SLC25A36: variants seen among roughly 807,000 people sequenced by gnomAD.
SLC25A36 encodes epididymis secretory sperm binding protein.
SLC25A36 carries 24 observed loss-of-function variants against 35.3 expected under a neutral mutation model. The observed-to-expected ratio is 0.68, with a 90% confidence interval of 0.49 to 0.96. SLC25A36 has a LOEUF of 0.96. Among genes scored for constraint, SLC25A36 ranks in the 40% least tolerant of loss-of-function variants. SLC25A36 has a pLI of 0.00. For synonymous variants in SLC25A36, 141 were observed against 132.2 expected, an observed-to-expected ratio of 1.07 and a Z score of -0.46; for missense variants, 294 against 381.1, an observed-to-expected ratio of 0.77 and a Z score of 1.90.
intron 1 of SLC25A36, among the ~76,000 whole-genome samples, chr3:140,945,253 A>G (rs1160045088): frequency 6.6e-6 from 1 of 152,136 alleles, no homozygotes; most frequent in Non-Finnish European, 1.5e-5. Context: ...CAATCTCATG[A>G]CCTAATCACC....
chr3:140,952,628 C>T (rs1934358520), intron 1 of SLC25A36, among the ~76,000 whole-genome samples: 1 of 152,122 alleles, frequency 6.6e-6, no homozygotes, highest in African/African-American at 2.4e-5. Context: ...TTTTTATGTG[C>T]CACTTTACAA....
chr3:140,955,924 C>G (rs1934467959), intron 1 of SLC25A36, among the ~76,000 whole-genome samples: 2 of 152,118 alleles, frequency 1.3e-5, no homozygotes, highest in South Asian at 4.1e-4. Flanking sequence ...TCAAACTGGC[C>G]TCAAACCATC....
At chr3:140,945,935 T>A (rs1306478240) in intron 1 of SLC25A36, among the ~76,000 whole-genome samples, 1 of 152,228 alleles carries the variant, frequency 6.6e-6, no homozygotes, top group Non-Finnish European at 1.5e-5. Context: ...AGCTTCTTTT[T>A]TTCATGGAGT....
intron 1 of SLC25A36, among the ~76,000 whole-genome samples, chr3:140,952,162 A>G (rs958204953): frequency 3.3e-5 from 5 of 151,912 alleles, no homozygotes; most frequent in African/African-American, 4.8e-5. Flanking sequence ...GATTACAGGC[A>G]TGCACCACCA....
chr3:140,968,615 T>A (rs1934823610), intron 4 of SLC25A36: 1 of 949,004 alleles, frequency 1.1e-6, no homozygotes, highest in Non-Finnish European at 1.3e-6. Flanking sequence ...AAAGGTTTTG[T>A]TCCTAACAAC....
chr3:140,943,708 A>C (rs1368061718), intron 1 of SLC25A36, among the ~76,000 whole-genome samples: 1 of 152,200 alleles, frequency 6.6e-6, no homozygotes, highest in Non-Finnish European at 1.5e-5. Flanking sequence ...GTATTATATG[A>C]TCTCTAAAGC....
chr3:140,953,708 G>A (rs967443512), intron 1 of SLC25A36, among the ~76,000 whole-genome samples: 6 of 152,232 alleles, frequency 3.9e-5, no homozygotes, highest in East Asian at 1.9e-4. Context: ...TATAATCCCC[G>A]TACTTTGGAA....
At position 140,956,705 on chromosome 3, in the gene SLC25A36, A is replaced by G. The variant is rs1934489619; in HGVS notation, c.206+14A>G. 2 of 1,570,068 alleles carry G rather than the reference A, an allele frequency of 1.3e-6. No homozygotes were observed. The highest frequency in any genetic ancestry group is 2.7e-5 in the African/African-American group (2 of 73,052). On this transcript the variant is annotated intron_variant, in intron 2 of 6. Coordinates refer to ENST00000324194, the MANE Select transcript of SLC25A36 (RefSeq NM_001104647.3). ...TCATTGCCTAAAGTGAGAGCATAGTATTCAGGAGTGTTTTTTAGTTTGTTT... is the reference window on the plus strand; with the variant it reads ...TCATTGCCTAAAGTGAGAGCATAGTGTTCAGGAGTGTTTTTTAGTTTGTTT...
intron 6 of SLC25A36, among the ~76,000 whole-genome samples, chr3:140,975,588 G>A (rs1935022237): frequency 6.6e-6 from 1 of 152,200 alleles, no homozygotes; most frequent in African/African-American, 2.4e-5. Context: ...GAAGCTGTGA[G>A]TTCTTGTCCC....
intron 4 of SLC25A36, 65 bp downstream of exon 4, chr3:140,963,292 A>G: frequency 2.0e-6 from 2 of 1,014,746 alleles, no homozygotes; most frequent in East Asian, 2.8e-5. Flanking sequence ...ATATTGAATT[A>G]TAAGTTTGTA....
At chr3:140,975,094 A>ATTATT (rs1272903563) in intron 6 of SLC25A36, among the ~76,000 whole-genome samples, 1 of 24,266 alleles carries the variant, frequency 4.1e-5, no homozygotes, top group Non-Finnish European at 1.3e-4. Flanking sequence ...AACAAGATAC[A>ATTATT]TTCTTTTTTT....
At chr3:140,958,650 A>G (rs939810344) in intron 2 of SLC25A36, among the ~76,000 whole-genome samples, 8 of 152,160 alleles carry the variant, frequency 5.3e-5, no homozygotes, top group African/African-American at 1.4e-4. Context: ...CAGCATTTCA[A>G]TGGAATGGGG....
chr3:140,952,088 C>T (rs113855375), intron 1 of SLC25A36, among the ~76,000 whole-genome samples: 21 of 151,486 alleles, frequency 1.4e-4, no homozygotes, highest in African/African-American at 4.6e-4. Flanking sequence ...ACAATCTCGG[C>T]TCACTGCAAC....
intron 5 of SLC25A36, among the ~76,000 whole-genome samples, chr3:140,971,260 A>G (rs1224476329): frequency 6.6e-6 from 1 of 152,176 alleles, no homozygotes; most frequent in East Asian, 1.9e-4. Context: ...CAGAAAGGAA[A>G]GAAAGAGATA....
intron 2 of SLC25A36, among the ~76,000 whole-genome samples, chr3:140,959,005 TGTGTTTTCTTTTTC>T (rs1934559120): frequency 7.1e-6 from 1 of 141,620 alleles, no homozygotes. Context: ...TGTGTGTGTG[TGTGTTTTCTTTTTC>T]TTTTTTTTTT....
chr3:140,966,892 C>T (rs1934773730), intron 4 of SLC25A36: 1 of 456,112 alleles, frequency 2.2e-6, no homozygotes, highest in South Asian at 1.5e-5. Context: ...GATGAGGTCA[C>T]TGCTTGTTGT....
intron 6 of SLC25A36, among the ~76,000 whole-genome samples, 161 bp from the exon 7 acceptor site, chr3:140,976,099 A>C (rs1031483888): frequency 9.9e-5 from 15 of 152,220 alleles, no homozygotes; most frequent in African/African-American, 3.4e-4. Flanking sequence ...TAGAAGTTTG[A>C]TGTTACTATA....
intron 4 of SLC25A36, chr3:140,968,686 C>T: frequency 2.0e-6 from 2 of 982,820 alleles, no homozygotes; most frequent in Non-Finnish European, 2.4e-6. Flanking sequence ...TTTCCAGCCT[C>T]AAATTCTTTT....
At chr3:140,954,437 T>A (rs1300112702) in intron 1 of SLC25A36, among the ~76,000 whole-genome samples, 1 of 152,222 alleles carries the variant, frequency 6.6e-6, no homozygotes, top group East Asian at 1.9e-4. Context: ...GTGGCAGTGT[T>A]ATGTTTAACT....
Sources: gnomAD v4.1 joint callset for allele counts (sites outside exome capture counted in the v4.1 genomes callset) on GRCh38, gnomAD v4.1.1 for gene constraint, MANE v1.5 for transcripts, NCBI Gene and HGNC (gene_info 2026-07-23, HGNC 2026-07-21) for gene names.